OR7E24: variants seen among roughly 807,000 people sequenced by gnomAD.
The protein encoded by OR7E24 is olfactory receptor family 7 subfamily E member 24, also known as olfactory receptor 7E24.
For missense variants in OR7E24, 385 were observed against 410.3 expected (o/e 0.94, Z 0.53); for synonymous variants, 130 against 157.5 (o/e 0.83, Z 1.31).
the OR7E24 span, chr19:9,210,180 C>T: frequency 6.6e-6 from 1 of 152,184 alleles, no homozygotes; most frequent in African/African-American, 2.4e-5. Flanking sequence ...TATTGATACA[C>T]TGATAAATAG....
chr19:9,207,842 G>A, the OR7E24 span: 1 of 151,856 alleles, frequency 6.6e-6, no homozygotes, highest in Non-Finnish European at 1.5e-5. Flanking sequence ...ACTGAAATTC[G>A]GTATACTTTG....
At chr19:9,232,493 G>A in the OR7E24 span, among the ~76,000 whole-genome samples, 1,042 of 145,136 alleles carry the variant, frequency 7.2e-3, 15 homozygotes, top group African/African-American at 0.025. Flanking sequence ...AGCCAAGATC[G>A]CGCCACTGCA....
the OR7E24 span, among the ~76,000 whole-genome samples, chr19:9,233,909 T>TTC: frequency 2.0e-5 from 3 of 149,332 alleles, no homozygotes; most frequent in South Asian, 2.1e-4. Flanking sequence ...ATGTCTTTCT[T>TTC]TTTTTTTTTT....
At chr19:9,229,025 C>T in the OR7E24 span, among the ~76,000 whole-genome samples, 1 of 152,118 alleles carries the variant, frequency 6.6e-6, no homozygotes, top group Non-Finnish European at 1.5e-5. Context: ...TGTTTCAAAA[C>T]TCATCATGTG....
chr19:9,226,125 G>A, the OR7E24 span, among the ~76,000 whole-genome samples: 2 of 152,244 alleles, frequency 1.3e-5, no homozygotes, highest in Middle Eastern at 3.2e-3. Flanking sequence ...GTGCTAGGCA[G>A]CAGCATGGCT....
the OR7E24 span, among the ~76,000 whole-genome samples, chr19:9,229,662 G>C: frequency 6.6e-6 from 1 of 152,094 alleles, no homozygotes; most frequent in Non-Finnish European, 1.5e-5. Context: ...TCCCACTACC[G>C]CTGCAAAATT....
At chr19:9,243,480 C>T (rs2066121582), upstream of OR7E24, among the ~76,000 whole-genome samples, 1 of 151,826 alleles carries the variant, frequency 6.6e-6, no homozygotes, top group Non-Finnish European at 1.5e-5. Context: ...AGGCATGCAT[C>T]ATCACACCCA....
At chr19:9,234,414 TA>T in the OR7E24 span, among the ~76,000 whole-genome samples, 1 of 152,206 alleles carries the variant, frequency 6.6e-6, no homozygotes, top group Non-Finnish European at 1.5e-5. Flanking sequence ...AAGCCACTTT[TA>T]AAACCTCACA....
the OR7E24 span, among the ~76,000 whole-genome samples, chr19:9,225,157 C>G: frequency 1.3e-5 from 2 of 152,026 alleles, no homozygotes; most frequent in Middle Eastern, 3.4e-3. Flanking sequence ...GGCAGATCAC[C>G]TGAGGTCAGG....
At chr19:9,213,550 C>G in the OR7E24 span, 1 of 243,752 alleles carries the variant, frequency 4.1e-6, no homozygotes, top group Non-Finnish European at 8.0e-6. Flanking sequence ...CCAGCCTGAA[C>G]AGTATGGTGG....
chr19:9,213,755 C>A, the OR7E24 span: 2 of 621,546 alleles, frequency 3.2e-6, no homozygotes, highest in Non-Finnish European at 5.4e-6. Context: ...ATAACAATAA[C>A]AACAACAAAC....
chr19:9,236,284 G>T, the OR7E24 span: 3 of 479,930 alleles, frequency 6.3e-6, no homozygotes, highest in African/African-American at 3.9e-5. Flanking sequence ...AGGCAGAGGC[G>T]GGCAGATCAT....
chr19:9,215,374 T>A, the OR7E24 span, among the ~76,000 whole-genome samples: 1 of 152,006 alleles, frequency 6.6e-6, no homozygotes, highest in African/African-American at 2.4e-5. Flanking sequence ...AACCTCTTTT[T>A]TTCATTTACT....
Position 9,251,157 on chromosome 19 carries a change from T to C in OR7E24, c.114T>C (p.Asp38=), listed in dbSNP as rs1393963462. 1.2e-6 allele frequency: 2 copies of C among 1,613,714 alleles called. No homozygotes were observed. The highest frequency in any genetic ancestry group is 1.7e-6 in the Non-Finnish European group (2 of 1,179,768). Residue 38 remains aspartate (D), a synonymous_variant, in exon 1 of 1, where the codon GAT becomes GAC. Transcript: ENST00000456448. The part of the protein sequence containing the change: ...SEFLLLGLSE[D]PELQPVLAGL... The stretch of plus-strand genomic sequence containing the variant: ...TCCTCCTCCTGGGACTCTCAGAGGA[T>C]CCAGAACTGCAGCCGGTCCTCGCTG...
At chr19:9,211,824 G>A in the OR7E24 span, 2 of 149,990 alleles carry the variant, frequency 1.3e-5, no homozygotes, top group East Asian at 2.0e-4. Flanking sequence ...CTCATGGAAG[G>A]CCTGCTTCTT....
chr19:9,246,471 T>G (rs893653484), upstream of OR7E24, among the ~76,000 whole-genome samples: 10 of 112,880 alleles, frequency 8.9e-5, no homozygotes, highest in African/African-American at 4.4e-4. Context: ...AGGTATTGTG[T>G]GTGTGTGTGT....
the OR7E24 span, among the ~76,000 whole-genome samples, chr19:9,218,436 A>AT: frequency 6.6e-6 from 1 of 152,216 alleles, no homozygotes; most frequent in Non-Finnish European, 1.5e-5. Flanking sequence ...TTTGAAAAAG[A>AT]TTATCAACCA....
the OR7E24 span, among the ~76,000 whole-genome samples, chr19:9,216,303 T>C: frequency 6.6e-6 from 1 of 152,180 alleles, no homozygotes; most frequent in Admixed American, 6.5e-5. Context: ...GATGAAGAGG[T>C]TGACCTTCTC....
the OR7E24 span, among the ~76,000 whole-genome samples, chr19:9,220,598 TTATC>T: frequency 2.0e-5 from 3 of 152,224 alleles, no homozygotes; most frequent in African/African-American, 7.2e-5. Context: ...TACATTTTCT[TTATC>T]CATTCATTTA....
Sources: allele counts gnomAD v4.1 joint callset (sites outside exome capture counted in the v4.1 genomes callset), GRCh38; gene constraint gnomAD v4.1.1; transcripts MANE v1.5; gene names NCBI Gene and HGNC (gene_info 2026-07-23, HGNC 2026-07-21).